Variants in TRPM3 observed in about 807,000 individuals in gnomAD.
TRPM3 encodes long transient receptor potential channel 3.
TRPM3 carries 77 observed loss-of-function variants against 181.2 expected under a neutral mutation model. The observed-to-expected ratio is 0.42, with a 90% CI of 0.35 to 0.51. TRPM3 has a LOEUF of 0.51. Ranked by LOEUF, TRPM3 falls within the 20% of genes least tolerant of loss-of-function variation. The pLI is 0.01. For missense variants in TRPM3, 1,759 were observed against 2,196.7 expected, an observed-to-expected ratio of 0.80 and a Z score of 3.98; for synonymous variants, 745 against 796.4, an observed-to-expected ratio of 0.94 and a Z score of 1.09.
chr9:70,853,375 C>T (rs751143973), intron 3 of TRPM3, among the ~76,000 whole-genome samples: 12 of 152,196 alleles, frequency 7.9e-5, no homozygotes, highest in Non-Finnish European at 2.9e-5. Context: ...TGATTCAATA[C>T]ATCTGGGGTA....
intron 1 of TRPM3, among the ~76,000 whole-genome samples, chr9:70,956,861 G>A (rs1402610956): frequency 6.6e-6 from 1 of 151,656 alleles, no homozygotes; most frequent in African/African-American, 2.4e-5. Flanking sequence ...ACTCCAGCCT[G>A]GGCAACAGAG....
intron 1 of TRPM3, among the ~76,000 whole-genome samples, chr9:71,335,187 TTGGAGA>T: frequency 6.6e-6 from 1 of 152,172 alleles, no homozygotes; most frequent in Non-Finnish European, 1.5e-5. Flanking sequence ...TCATGGCTTC[TTGGAGA>T]CCTGGAGTTA....
chr9:71,083,374 G>T (rs1483105930), intron 1 of TRPM3, among the ~76,000 whole-genome samples: 2 of 151,940 alleles, frequency 1.3e-5, no homozygotes, highest in Non-Finnish European at 2.9e-5. Flanking sequence ...CTTGCCCAAG[G>T]TTACAAGGCT....
intron 6 of TRPM3, among the ~76,000 whole-genome samples, chr9:70,802,977 G>GGTTTGTGTT (rs2089555087): frequency 6.9e-6 from 1 of 145,526 alleles, no homozygotes; most frequent in South Asian, 2.2e-4. Context: ...TCTCAGGAGA[G>GGTTTGTGTT]GTTTGTGTTG....
At chr9:70,986,331 T>G (rs2134075143) in intron 1 of TRPM3, among the ~76,000 whole-genome samples, 1 of 152,316 alleles carries the variant, frequency 6.6e-6, no homozygotes, top group African/African-American at 2.4e-5. Flanking sequence ...GCCACTGCAC[T>G]TCACCTGGGC....
At chr9:71,087,139 C>A (rs116991093) in intron 1 of TRPM3, among the ~76,000 whole-genome samples, 2 of 151,974 alleles carry the variant, frequency 1.3e-5, no homozygotes, top group Non-Finnish European at 2.9e-5. Context: ...AGACCCTCAT[C>A]CCTCAGCAAG....
chr9:70,673,397 A>C (rs2063356888), intron 9 of TRPM3, among the ~76,000 whole-genome samples: 1 of 152,118 alleles, frequency 6.6e-6, no homozygotes, highest in Non-Finnish European at 1.5e-5. Context: ...AAGGAAGCTA[A>C]AAGTGGCCTA....
intron 1 of TRPM3, among the ~76,000 whole-genome samples, chr9:71,221,853 G>A (rs1279650012): frequency 1.3e-5 from 2 of 152,174 alleles, no homozygotes; most frequent in African/African-American, 4.8e-5. Context: ...ACTTGAGGGA[G>A]GTGGATGAAG....
intron 1 of TRPM3, among the ~76,000 whole-genome samples, chr9:70,874,984 G>A (rs1035941633): frequency 2.0e-5 from 3 of 151,796 alleles, no homozygotes; most frequent in African/African-American, 7.3e-5. Context: ...GGGTAGAGAT[G>A]CTGATTTATT....
intron 1 of TRPM3, among the ~76,000 whole-genome samples, chr9:71,114,312 T>A (rs540241131): frequency 1.3e-5 from 2 of 152,214 alleles, no homozygotes; most frequent in African/African-American, 4.8e-5. Flanking sequence ...TAAACACAAA[T>A]CTTCTGTGTG....
chr9:71,070,780 A>G (rs2062656326), intron 1 of TRPM3, among the ~76,000 whole-genome samples: 1 of 152,226 alleles, frequency 6.6e-6, no homozygotes, highest in African/African-American at 2.4e-5. Context: ...TAGTCTGAAC[A>G]GAAATCTAAT....
At chr9:71,368,122 G>GC (rs2092399976) in intron 1 of TRPM3, among the ~76,000 whole-genome samples, 1 of 110,136 alleles carries the variant, frequency 9.1e-6, no homozygotes, top group African/African-American at 3.0e-5. Flanking sequence ...AAAGGACCAA[G>GC]ATTTTTTTTT....
intron 24 of TRPM3, 150 bp from the exon 25 acceptor site, chr9:70,549,824 T>A (rs1001042318): frequency 2.7e-6 from 2 of 728,530 alleles, no homozygotes; most frequent in Non-Finnish European, 4.2e-6. Context: ...CCAAATCCAA[T>A]TAGGCAACTT....
At chr9:70,967,093 C>T (rs2097193134) in intron 1 of TRPM3, among the ~76,000 whole-genome samples, 1 of 152,022 alleles carries the variant, frequency 6.6e-6, no homozygotes, top group South Asian at 2.1e-4. Context: ...ACTTCTGGAA[C>T]TCTAATGAGG....
intron 1 of TRPM3, among the ~76,000 whole-genome samples, chr9:71,303,235 T>C (rs1171247359): frequency 6.6e-6 from 1 of 152,104 alleles, no homozygotes; most frequent in South Asian, 2.1e-4. Context: ...ACCTAAACTG[T>C]GTAAAGGAAG....
rs2041718639 is a variant in TRPM3, at chr9:70,536,261, T to G, written c.4852A>C (p.Arg1618=). The change falls in exon 26 of 26, where the codon AGA becomes CGA. Residue 1618 remains arginine, a synonymous_variant. Coordinates refer to ENST00000677713, the MANE Select transcript of TRPM3 (RefSeq NM_001366145.2). The stretch of plus-strand genomic sequence containing the variant: ...TGGGAGGATATTGCAATGGTGGCTC[T>G]GCGGCCTTTGGCCTCATTCTCCTCA... ...DSEENEAKGR[R]ATIAISSQEG... 1 of 1,614,236 alleles carries G rather than the reference T, an allele frequency of 6.2e-7. No homozygotes were observed. Among genetic ancestry groups the G allele is most frequent in the Non-Finnish European group, 8.5e-7 (1 of 1,180,048 alleles).
Position 70,634,453 on chromosome 9 carries a change from T to C in TRPM3, c.1632+758A>G, listed in dbSNP as rs148158287. Among the ~76,000 whole-genome samples, 1,478 of 152,314 alleles carry C rather than the reference T, an allele frequency of 9.7e-3. 22 individuals carry two copies. Among genetic ancestry groups the C allele is most frequent in the African/African-American group, 0.034 (1,404 of 41,554 alleles). On this transcript the variant is annotated intron_variant, in intron 12 of 25. Transcript: ENST00000677713. ...ATAATTCTATTTCATAGAATTGTTGTGAAGATTAAATGAATTAAGATGCAC... is the reference window on the plus strand; with the variant it reads ...ATAATTCTATTTCATAGAATTGTTGCGAAGATTAAATGAATTAAGATGCAC...
chr9:71,004,251 A>T (rs926481349), intron 1 of TRPM3, among the ~76,000 whole-genome samples: 2 of 152,250 alleles, frequency 1.3e-5, no homozygotes, highest in African/African-American at 4.8e-5. Context: ...TGAATTTCCC[A>T]CAAAGCTCAG....
intron 1 of TRPM3, among the ~76,000 whole-genome samples, chr9:71,328,932 T>C (rs918723368): frequency 1.3e-5 from 2 of 152,218 alleles, no homozygotes; most frequent in African/African-American, 4.8e-5. Context: ...ATATGGACAA[T>C]GCTGAATGCC....
Sources: gnomAD v4.1 joint callset for allele counts (sites outside exome capture counted in the v4.1 genomes callset) on GRCh38, gnomAD v4.1.1 for gene constraint, MANE v1.5 for transcripts, NCBI Gene and HGNC (gene_info 2026-07-23, HGNC 2026-07-21) for gene names.